Variants in PTPRN2 observed in about 807,000 individuals in gnomAD.
The protein encoded by PTPRN2 is receptor-type tyrosine-protein phosphatase N2.
In PTPRN2, 74 loss-of-function variants were observed where a neutral mutation model predicts 118.8. That is an observed-to-expected ratio of 0.62 (90% CI 0.52 to 0.76). The LOEUF (loss-of-function observed/expected upper bound fraction) is 0.76. PTPRN2 is among the 30% of genes least tolerant of loss of function. The probability of loss-of-function intolerance (pLI) is 0.00; values close to 1 mark genes in which losing one functional copy is unlikely to be tolerated. For missense variants in PTPRN2, 1,481 were observed against 1,394.4 expected (o/e 1.06, Z -0.99); for synonymous variants, 641 against 608.0 (o/e 1.05, Z -0.80).
At chr7:157,645,644 G>A (rs751468698) in intron 14 of PTPRN2, among the ~76,000 whole-genome samples, 22 of 152,230 alleles carry the variant, frequency 1.4e-4, no homozygotes, top group East Asian at 3.9e-4. Context: ...GGGTGGGGCC[G>A]GGCTGTACAC....
At chr7:158,493,341 ACATACACACACGCACACCTGCATG>A (rs1327950180) in intron 1 of PTPRN2, among the ~76,000 whole-genome samples, 7 of 151,638 alleles carry the variant, frequency 4.6e-5, no homozygotes, top group Admixed American at 4.6e-4. Context: ...ATGCCTGCAC[ACATACACACACGCACACCTGCATG>A]CATACACACA....
intron 21 of PTPRN2, among the ~76,000 whole-genome samples, chr7:157,553,472 T>C (rs1585021791): frequency 6.6e-6 from 1 of 152,068 alleles, no homozygotes; most frequent in Admixed American, 6.6e-5. Flanking sequence ...TCTCCCAGAG[T>C]GGCGTCGTCG....
intron 9 of PTPRN2, among the ~76,000 whole-genome samples, chr7:158,114,399 C>A (rs1427681445): frequency 6.6e-6 from 1 of 152,234 alleles, no homozygotes; most frequent in Non-Finnish European, 1.5e-5. Flanking sequence ...AACTCCCACA[C>A]CATAAAATCA....
At position 158,133,942 on chromosome 7, in the gene PTPRN2, G is replaced by C. The variant is rs1049650306; in HGVS notation, c.1291C>G (p.Pro431Ala). The change falls in exon 9 of 23, where the codon CCT (proline) becomes GCT (alanine). Residue 431 changes from proline to alanine, a missense_variant. By Grantham distance (27) the Pro-to-Ala change is conservative. Around this residue, in one of 3 missense-constraint regions of PTPRN2, gnomAD observed 1,115 missense variants for 994.2 expected, o/e 1.12. Transcript: ENST00000389418. ...LDMERKKSEH[P>A]ESSLSSEEET... is the part of the protein sequence containing the mutation. Reference sequence around the variant, plus strand: ...TCTTCTGAAGACAGGGAAGACTCAGGGTGCTCGGACTTCTTCCTCTCCATG... The same window carrying C: ...TCTTCTGAAGACAGGGAAGACTCAGCGTGCTCGGACTTCTTCCTCTCCATG... 1 of 1,614,012 alleles carries C rather than the reference G, an allele frequency of 6.2e-7. No individual in the cohort carries two copies. Among genetic ancestry groups the C allele is most frequent in the Non-Finnish European group, 8.5e-7 (1 of 1,180,030 alleles).
chr7:157,626,492 G>A (rs567446219), intron 14 of PTPRN2, among the ~76,000 whole-genome samples: 2 of 152,180 alleles, frequency 1.3e-5, no homozygotes, highest in African/African-American at 4.8e-5. Context: ...CAGGAGTCCG[G>A]TCAGGACATG....
At chr7:157,625,242 A>G (rs2150653166) in intron 14 of PTPRN2, among the ~76,000 whole-genome samples, 1 of 152,376 alleles carries the variant, frequency 6.6e-6, no homozygotes, top group Middle Eastern at 3.4e-3. Context: ...ATTTACCTAG[A>G]GGAAAAGATG....
chr7:158,372,641 C>T (rs1290247731), intron 2 of PTPRN2, among the ~76,000 whole-genome samples: 3 of 150,388 alleles, frequency 2.0e-5, no homozygotes, highest in Non-Finnish European at 4.5e-5. Context: ...CTGGTCCCCA[C>T]CACGCTGGTT....
At position 157,995,166 on chromosome 7, in the gene PTPRN2, G is replaced by A. The variant is rs185091415; in HGVS notation, c.1723+86132C>T. On this transcript the variant is annotated intron_variant, in intron 11 of 22. Coordinates refer to ENST00000389418, the MANE Select transcript of PTPRN2 (RefSeq NM_002847.5). ...TACAACTCCTTGTTCCTAAATCAACGCCACGTCCCCAGCTTACAACTCCTT... is the reference window on the plus strand; with the variant it reads ...TACAACTCCTTGTTCCTAAATCAACACCACGTCCCCAGCTTACAACTCCTT... Among the ~76,000 whole-genome samples, 23 of 148,530 alleles carry A rather than the reference G, an allele frequency of 1.5e-4. No individual in the cohort carries two copies. The East Asian group carries it at 2.0e-3, about 13-fold the overall frequency.
At chr7:158,414,731 G>A (rs570626975) in intron 2 of PTPRN2, among the ~76,000 whole-genome samples, 3 of 152,188 alleles carry the variant, frequency 2.0e-5, no homozygotes, top group Non-Finnish European at 2.9e-5. Context: ...CTCATTCTTC[G>A]AGGCTCCACT....
intron 2 of PTPRN2, among the ~76,000 whole-genome samples, chr7:158,458,293 G>A (rs1159699643): frequency 6.6e-6 from 1 of 152,196 alleles, no homozygotes; most frequent in Non-Finnish European, 1.5e-5. Flanking sequence ...GGCCGGGCGA[G>A]TGATCTGCAG....
rs535732978 is a variant in PTPRN2 at position 157,713,595 on chromosome 7, G to A, written c.1789-30658C>T. Among the ~76,000 whole-genome samples, 30 of 152,250 alleles carry A rather than the reference G, an allele frequency of 2.0e-4. No individual in the cohort carries two copies. In the South Asian group the frequency reaches 5.0e-3, roughly 25 times the overall value. On this transcript the variant is annotated intron_variant, in intron 12 of 22. Coordinates refer to ENST00000389418, the MANE Select transcript of PTPRN2 (RefSeq NM_002847.5). ...CGGTGTGACGCCCGGCTCCCTCCCC[G>A]TCACTGATACGGCCTAGGATCTCAC...
At position 158,578,579 on chromosome 7, in the gene PTPRN2, G is replaced by A. The variant is rs116901093; in HGVS notation, c.112+8979C>T. 3.6e-4 allele frequency among the ~76,000 whole-genome samples: 54 copies of A among 149,224 alleles called. No individual in the cohort carries two copies. The East Asian group carries it at 8.0e-3, about 22-fold the overall frequency. Reference sequence around the variant, plus strand: ...ATAGATTCAAAGAGTACATGTATACGCAGGTTTGTTACGTGGGTGTATTGA... The same window carrying A: ...ATAGATTCAAAGAGTACATGTATACACAGGTTTGTTACGTGGGTGTATTGA... On this transcript the variant is annotated intron_variant, in intron 1 of 22. Transcript: ENST00000389418.
intron 2 of PTPRN2, among the ~76,000 whole-genome samples, chr7:158,405,182 A>G (rs1299075143): frequency 2.0e-5 from 3 of 152,106 alleles, no homozygotes; most frequent in African/African-American, 7.2e-5. Context: ...CACACCCCCT[A>G]GGATGCCTGG....
chr7:158,338,654 T>C (rs1806149742), intron 2 of PTPRN2, among the ~76,000 whole-genome samples: 1 of 41,914 alleles, frequency 2.4e-5, no homozygotes, highest in Non-Finnish European at 4.1e-5. Flanking sequence ...AGCTGATGCC[T>C]GCAGACGTCA....
intron 11 of PTPRN2, among the ~76,000 whole-genome samples, chr7:157,960,424 T>C (rs1269936030): frequency 6.6e-6 from 1 of 152,180 alleles, no homozygotes; most frequent in African/African-American, 2.4e-5. Flanking sequence ...TGTAAATCAA[T>C]AAAACCTTTC....
chr7:158,060,772 T>C (rs954144697), intron 11 of PTPRN2, among the ~76,000 whole-genome samples: 1 of 152,208 alleles, frequency 6.6e-6, no homozygotes, highest in Admixed American at 6.5e-5. Flanking sequence ...TTTATGAATA[T>C]GGGAAGGTTT....
At chr7:158,373,929 T>G (rs1810295723) in intron 2 of PTPRN2, among the ~76,000 whole-genome samples, 1 of 152,160 alleles carries the variant, frequency 6.6e-6, no homozygotes, top group South Asian at 2.1e-4. Context: ...GCCTACCTGG[T>G]GCATGGATAA....
At position 158,138,379 on chromosome 7, in the gene PTPRN2, T is replaced by C. The variant is rs779026282; in HGVS notation, c.1047A>G (p.Arg349=). 3.7e-5 allele frequency: 60 copies of C among 1,613,872 alleles called. No homozygotes were observed. The East Asian group carries it at 1.3e-3, about 35-fold the overall frequency. ...LMQGVDHGVA[R]GSPGRAALGE... The stretch of plus-strand genomic sequence containing the variant: ...CCAGGGCCGCTCTCCCAGGGCTGCC[T>C]CGAGCTACTCCATGGTCCACGCCTT... Residue 349 remains arginine, a synonymous_variant, in exon 7 of 23, where the codon CGA becomes CGG. Transcript: ENST00000389418.
chr7:158,146,823 A>C (rs1439174111), intron 6 of PTPRN2, among the ~76,000 whole-genome samples: 1 of 152,036 alleles, frequency 6.6e-6, no homozygotes, highest in African/African-American at 2.4e-5. Context: ...ACACACTAAA[A>C]TGTTTTGGAG....
Sources: allele counts gnomAD v4.1 joint callset (sites outside exome capture counted in the v4.1 genomes callset), GRCh38; gene constraint gnomAD v4.1.1; regional missense constraint gnomAD v4.1.1; transcripts MANE v1.5; gene names NCBI Gene and HGNC (gene_info 2026-07-23, HGNC 2026-07-21).